IRF4: variants seen among roughly 807,000 people sequenced by gnomAD.
IRF4 encodes lymphocyte-specific interferon regulatory factor.
In IRF4, 13 loss-of-function variants were observed where a neutral mutation model predicts 55.5. The observed-to-expected ratio is 0.23, with a 90% CI of 0.15 to 0.37. The LOEUF is 0.37. Among genes scored for constraint, IRF4 ranks in the 10% least tolerant of loss-of-function variants. The probability of loss-of-function intolerance (pLI) is 1.00; values close to 1 mark genes in which losing one functional copy is unlikely to be tolerated. For synonymous variants in IRF4, 249 were observed against 240.7 expected, an observed-to-expected ratio of 1.03 and a Z score of -0.32; for missense variants, 397 against 593.8, an observed-to-expected ratio of 0.67 and a Z score of 3.44.
In IRF4 at chr6:409,406, T is replaced by A. The variant is rs1036583029; in HGVS notation, c.*1808T>A. 1 of 201,886 alleles carries A rather than the reference T, an allele frequency of 5.0e-6. No individual in the cohort carries two copies. The highest frequency in any genetic ancestry group is 2.3e-5 in the African/African-American group (1 of 43,580). The allele number at this position is 201,886 out of a possible 1,614,324, so 12.5% of individuals were successfully genotyped here. On this transcript the variant is annotated 3_prime_UTR_variant, in exon 9 of 9. Coordinates refer to ENST00000380956, the MANE Select transcript of IRF4 (RefSeq NM_002460.4). ...TGTCCACAAGAAGGGGTGTTTATTC[T>A]TCCAACACATTTCACTTTTCTGTAA...
In IRF4 at chr6:409,046, A is replaced by G. The variant is rs1029150046; in HGVS notation, c.*1448A>G. On this transcript the variant is annotated 3_prime_UTR_variant, in exon 9 of 9. Coordinates refer to ENST00000380956, the MANE Select transcript of IRF4 (RefSeq NM_002460.4). ...TCACCTCCAGGCCGTTTCTCATACT[A>G]CAGGATATTTACTATTACTCCCAGG... 1 of 217,932 alleles carries G rather than the reference A, an allele frequency of 4.6e-6. No individual in the cohort carries two copies. Among genetic ancestry groups the G allele is most frequent in the Admixed American group, 5.8e-5 (1 of 17,212 alleles). The allele number at this position is 217,932 out of a possible 1,614,324, so 13.5% of individuals were successfully genotyped here.
chr6:405,369 A>T (rs1761519292), intron 8 of IRF4, among the ~76,000 whole-genome samples: 1 of 152,178 alleles, frequency 6.6e-6, no homozygotes, highest in South Asian at 2.1e-4. Flanking sequence ...GCCTCAAAGG[A>T]GGGTGCCTCT....
chr6:405,259 C>G, intron 8 of IRF4, 129 bp downstream of exon 8: 1 of 631,130 alleles, frequency 1.6e-6, no homozygotes. Flanking sequence ...AACCCTTAAA[C>G]TAGTGAGGGA....
Position 401,621 on chromosome 6 carries a change from G to A in IRF4, c.943G>A (p.Val315Met), listed in dbSNP as rs780902340. 5.6e-6 allele frequency: 9 copies of A among 1,614,046 alleles called. No individual in the cohort carries two copies. The highest frequency in any genetic ancestry group is 1.7e-5 in the Admixed American group (1 of 60,012). The change falls in exon 7 of 9, where the codon GTG becomes ATG. Residue 315 changes from valine (V) to methionine (M), a missense_variant. Physicochemically the swap from Val to Met is conservative, Grantham distance 21 (BLOSUM62 1). Coordinates refer to ENST00000380956, the MANE Select transcript of IRF4 (RefSeq NM_002460.4). Reference protein sequence around the residue: ...EKLLSHLERGVVLWMAPDGLY... With the variant: ...EKLLSHLERGMVLWMAPDGLY... Reference sequence around the variant, plus strand: ...GCTGCTGAGCCACCTGGAGAGGGGCGTGGTCCTCTGGATGGCCCCCGACGG... The same window carrying A: ...GCTGCTGAGCCACCTGGAGAGGGGCATGGTCCTCTGGATGGCCCCCGACGG...
At position 411,414 on chromosome 6, in the gene IRF4, A is replaced by G. The variant is rs1210378956; in HGVS notation, c.*3816A>G. 3 of 191,546 alleles carry G rather than the reference A, an allele frequency of 1.6e-5. No homozygotes were observed. The highest frequency in any genetic ancestry group is 3.3e-5 in the Non-Finnish European group (3 of 91,236). 11.9% of individuals were successfully genotyped at this position (191,546 alleles called of 1,614,324 possible). On this transcript the variant is annotated 3_prime_UTR_variant, in exon 9 of 9. Coordinates refer to ENST00000380956, the MANE Select transcript of IRF4 (RefSeq NM_002460.4). The stretch of plus-strand genomic sequence containing the variant: ...ATATGTTTGATAAATTTATGTTTTT[A>G]GGTAAATAAAAACTTTTAAAAATTT...
intron 2 of IRF4, 126 bp from the exon 3 acceptor site, chr6:394,695 C>A: frequency 1.2e-6 from 1 of 857,852 alleles, no homozygotes; most frequent in Non-Finnish European, 1.8e-6. Context: ...TTCGATGCTG[C>A]GGTGAGCTAT....
intron 3 of IRF4, among the ~76,000 whole-genome samples, chr6:395,279 T>C (rs1761223531): frequency 6.7e-6 from 1 of 149,918 alleles, no homozygotes; most frequent in Admixed American, 6.6e-5. Flanking sequence ...AGTTAGTCTT[T>C]CAAAAAAAAA....
intron 7 of IRF4, among the ~76,000 whole-genome samples, chr6:404,162 C>T (rs1581230034): frequency 6.6e-6 from 1 of 152,168 alleles, no homozygotes; most frequent in South Asian, 2.1e-4. Context: ...TGTGTCAACT[C>T]GTTTCTTTTG....
At chr6:399,634 G>T (rs1389702243) in intron 6 of IRF4, among the ~76,000 whole-genome samples, 1 of 152,218 alleles carries the variant, frequency 6.6e-6, no homozygotes, top group East Asian at 1.9e-4. Flanking sequence ...TTTTAAATGG[G>T]ATTTGTTTTT....
At chr6:395,483 C>T (rs1761228369) in intron 3 of IRF4, among the ~76,000 whole-genome samples, 1 of 152,162 alleles carries the variant, frequency 6.6e-6, no homozygotes, top group Admixed American at 6.5e-5. Context: ...CCCCTCTTTT[C>T]AAGATTCTGA....
intron 8 of IRF4, among the ~76,000 whole-genome samples, chr6:405,640 A>G (rs1463355230): frequency 1.3e-5 from 2 of 152,196 alleles, no homozygotes; most frequent in Non-Finnish European, 2.9e-5. Context: ...TTATTTAATT[A>G]TTGGGCATAT....
rs1409697139 is a variant in IRF4, at chr6:410,956, G to C, written c.*3358G>C. On this transcript the variant is annotated 3_prime_UTR_variant, in exon 9 of 9. Coordinates refer to ENST00000380956, the MANE Select transcript of IRF4 (RefSeq NM_002460.4). ...GATCTCGATGCAGGTGGATCTCCTT[G>C]AGATCCTGATAGCCTGTTACAGGAA... The C allele has an allele frequency of 8.6e-6, 2 of 232,304 alleles. No homozygotes were observed. The highest frequency in any genetic ancestry group is 1.7e-5 in the Non-Finnish European group (2 of 117,562). 14.4% of individuals were successfully genotyped at this position (232,304 alleles called of 1,614,324 possible). A position where few individuals can be genotyped will look rare whatever the true frequency, so the allele number is the denominator to read the frequency against.
chr6:410,639 T>A lies in IRF4; in HGVS notation c.*3041T>A, dbSNP rs756883949. On this transcript the variant is annotated 3_prime_UTR_variant, in exon 9 of 9. Coordinates refer to ENST00000380956, the MANE Select transcript of IRF4 (RefSeq NM_002460.4). Reference sequence around the variant, plus strand: ...GTCTTGGGTACTCGCACCTCTTGGCTTTGTTGATGCTCCGCCAGGAAGGCC... The same window carrying A: ...GTCTTGGGTACTCGCACCTCTTGGCATTGTTGATGCTCCGCCAGGAAGGCC... 4 of 231,190 alleles carry A rather than the reference T, an allele frequency of 1.7e-5. No homozygotes were observed. The highest frequency in any genetic ancestry group is 3.4e-5 in the Non-Finnish European group (4 of 116,756). 14.3% of individuals were successfully genotyped at this position (231,190 alleles called of 1,614,324 possible). A position where few individuals can be genotyped will look rare whatever the true frequency, so the allele number is the denominator to read the frequency against.
At position 405,247 on chromosome 6, in the gene IRF4, G is replaced by A. The variant is rs1029598845; in HGVS notation, c.1212+117G>A. Reference sequence around the variant, plus strand: ...TGTCAAATGACCTGGAAAAATAAGCGTAACCCTTAAACTAGTGAGGGAGGA... The same window carrying A: ...TGTCAAATGACCTGGAAAAATAAGCATAACCCTTAAACTAGTGAGGGAGGA... On this transcript the variant is annotated intron_variant, in intron 8 of 8. Coordinates refer to ENST00000380956, the MANE Select transcript of IRF4 (RefSeq NM_002460.4). 8.5e-5 allele frequency: 56 copies of A among 662,432 alleles called. No individual in the cohort carries two copies. In the Admixed American group the frequency reaches 1.2e-3, roughly 14 times the overall value. 41.0% of individuals were successfully genotyped at this position (662,432 alleles called of 1,614,324 possible).
chr6:396,043 G>A, intron 4 of IRF4, 108 bp downstream of exon 4: 2 of 826,394 alleles, frequency 2.4e-6, no homozygotes, highest in South Asian at 3.2e-5. Context: ...CATTTGCTAT[G>A]GCTGCTCCAA....
rs1001291801 is a variant in IRF4 at position 409,711 on chromosome 6, A to G, written c.*2113A>G. On this transcript the variant is annotated 3_prime_UTR_variant, in exon 9 of 9. Transcript: ENST00000380956. ...TATCCTAAGGGAAGATAAAGATGAT[A>G]TTAAGAACTGCTGTTTCACGGGGCC... The G allele has an allele frequency of 8.8e-6, 2 of 226,270 alleles. No homozygotes were observed. The highest frequency in any genetic ancestry group is 4.4e-5 in the African/African-American group (2 of 44,954). 14.0% of individuals were successfully genotyped at this position (226,270 alleles called of 1,614,324 possible). A position where few individuals can be genotyped will look rare whatever the true frequency, so the allele number is the denominator to read the frequency against.
rs752393433 is a variant in IRF4, at chr6:401,492, G to A, written c.814G>A (p.Glu272Lys). 3.7e-6 allele frequency: 6 copies of A among 1,613,918 alleles called. No individual in the cohort carries two copies. The highest frequency in any genetic ancestry group is 3.4e-6 in the Non-Finnish European group (4 of 1,180,022). Residue 272 changes from glutamate (E) to lysine (K), a missense_variant, in exon 7 of 9, where the codon GAG becomes AAG. This residue lies in a region of IRF4 where 341 missense variants were observed against 548.1 expected (regional missense o/e 0.62). Coordinates refer to ENST00000380956, the MANE Select transcript of IRF4 (RefSeq NM_002460.4). ...LVKELTTSSPEGCRISHGHTY... is the reference protein window; with the variant it reads ...LVKELTTSSPKGCRISHGHTY... ...GAAGGAGCTGACCACGTCCAGCCCC[G>A]AGGGCTGCCGGATCTCCCATGGACA... is the stretch of plus-strand genomic sequence containing the variant.
chr6:394,592 TA>T (rs374779996), intron 2 of IRF4, among the ~76,000 whole-genome samples: 3 of 152,034 alleles, frequency 2.0e-5, no homozygotes, highest in African/African-American at 7.2e-5. Flanking sequence ...AAATAATAAT[TA>T]AAAAAATTAG....
At position 408,913 on chromosome 6, in the gene IRF4, T is replaced by G. The variant is rs1403684067; in HGVS notation, c.*1315T>G. 2 of 230,220 alleles carry G rather than the reference T, an allele frequency of 8.7e-6. No homozygotes were observed. Among genetic ancestry groups the G allele is most frequent in the Non-Finnish European group, 1.7e-5 (2 of 116,076 alleles). The allele number at this position is 230,220 out of a possible 1,614,324, so 14.3% of individuals were successfully genotyped here. The stretch of plus-strand genomic sequence containing the variant: ...GACAGGGCCTTAAAATTACTTGGCT[T>G]TTTCCAAATGCTTCTATTTATAGAA... On this transcript the variant is annotated 3_prime_UTR_variant, in exon 9 of 9. Transcript: ENST00000380956.
Sources: allele counts gnomAD v4.1 joint callset (sites outside exome capture counted in the v4.1 genomes callset), GRCh38; gene constraint gnomAD v4.1.1; regional missense constraint gnomAD v4.1.1; transcripts MANE v1.5; gene names NCBI Gene and HGNC (gene_info 2026-07-23, HGNC 2026-07-21).